MON1A: variants seen among roughly 807,000 people sequenced by gnomAD.
MON1A encodes the protein vacuolar fusion protein MON1 homolog A.
Under a neutral mutation model 44.6 loss-of-function variants are expected in MON1A, and 29 were observed. That is an observed-to-expected ratio of 0.65 (90% CI 0.48 to 0.89). The LOEUF is 0.89. Among genes scored for constraint, MON1A ranks in the 40% least tolerant of loss-of-function variants. The pLI, the probability that MON1A is intolerant of heterozygous loss-of-function variation, is 0.00. For missense variants in MON1A, 615 were observed against 759.6 expected (o/e 0.81, Z 2.24); for synonymous variants, 275 against 316.4 (o/e 0.87, Z 1.39).
At chr3:49,916,024 G>C (rs981567633) in intron 1 of MON1A, 1 of 152,276 alleles carries the variant, frequency 6.6e-6, no homozygotes, top group African/African-American at 2.4e-5. Flanking sequence ...GGATGGACTA[G>C]AAGGGCAGAG....
rs548259282 is a variant in MON1A, at chr3:49,909,548, C to T, written c.1380-148G>A. ...CCCTTAGGACAGGGCATTGTCTCCC[C>T]ACCATAGCAGGCACCCCAGGACAGG... On this transcript the variant is annotated intron_variant, in intron 4 of 5. Transcript: ENST00000296473. The surrounding 1 kb of genome is among the most constrained non-coding windows in gnomAD (Gnocchi z 4.0). The T allele has an allele frequency of 9.3e-7, 1 of 1,070,008 alleles. No homozygotes were observed. Among genetic ancestry groups the T allele is most frequent in the South Asian group, 1.6e-5 (1 of 63,246 alleles). 66.3% of individuals were successfully genotyped at this position (1,070,008 alleles called of 1,614,324 possible).
At position 49,911,578 on chromosome 3, in the gene MON1A, G is replaced by A. The variant is rs1317581612; in HGVS notation, c.561C>T (p.Ala187=). ...ALSSTMGVMV[A]LVSFLEADKN... Reference sequence around the variant, plus strand: ...TGTCTGCCTCCAGGAAGGACACCAGGGCCACCATAACACCCATAGTGCTGG... The same window carrying A: ...TGTCTGCCTCCAGGAAGGACACCAGAGCCACCATAACACCCATAGTGCTGG... Residue 187 remains alanine (A), a synonymous_variant, in exon 3 of 6, where the codon GCC becomes GCT. Coordinates refer to ENST00000296473, the MANE Select transcript of MON1A (RefSeq NM_032355.4). The surrounding 1 kb of genome is among the most constrained non-coding windows in gnomAD (Gnocchi z 5.7). The A allele has an allele frequency of 1.4e-5, 23 of 1,613,868 alleles. No homozygotes were observed. The highest frequency in any genetic ancestry group is 1.9e-5 in the Non-Finnish European group (23 of 1,179,832).
At chr3:49,929,341 G>A (rs1337889694) in intron 1 of MON1A, 3 of 541,940 alleles carry the variant, frequency 5.5e-6, no homozygotes, top group Non-Finnish European at 9.8e-6. Context: ...TTGGCGGGGC[G>A]GGGGTGGGGG....
At chr3:49,928,760 G>A (rs2083071531) in intron 1 of MON1A, among the ~76,000 whole-genome samples, 1 of 152,194 alleles carries the variant, frequency 6.6e-6, no homozygotes, top group South Asian at 2.1e-4. Flanking sequence ...GCTTCAGCAG[G>A]ATGCCTACTC....
chr3:49,922,856 C>T (rs1212275696), intron 1 of MON1A, among the ~76,000 whole-genome samples: 16 of 151,518 alleles, frequency 1.1e-4, no homozygotes, highest in Admixed American at 6.6e-4. Context: ...GGACTACAGG[C>T]GTGTGCCACC....
chr3:49,925,583 T>A (rs780153914), intron 1 of MON1A, among the ~76,000 whole-genome samples: 5 of 151,944 alleles, frequency 3.3e-5, no homozygotes, highest in Non-Finnish European at 7.4e-5. Context: ...CTCTACAAAA[T>A]AAAAAATCAG....
In MON1A at chr3:49,911,627, C is replaced by A. The variant is rs948037832; in HGVS notation, c.512G>T (p.Arg171Leu). 11 of 1,614,138 alleles carry A rather than the reference C, an allele frequency of 6.8e-6. No individual in the cohort carries two copies. The highest frequency in any genetic ancestry group is 8.5e-6 in the Non-Finnish European group (10 of 1,179,984). Residue 171 changes from arginine to leucine, a missense_variant, in exon 3 of 6, where the codon CGC becomes CTC. Coordinates refer to ENST00000296473, the MANE Select transcript of MON1A (RefSeq NM_032355.4). The surrounding 1 kb of genome is among the most constrained non-coding windows in gnomAD (Gnocchi z 5.7). ...LSEAGKPVYSRYGSEEALSST... is the reference protein window; with the variant it reads ...LSEAGKPVYSLYGSEEALSST... Reference sequence around the variant, plus strand: ...GGAAAGTGCCTCCTCAGACCCATAGCGGGAGTACACAGGCTTCCCTGCCTC... The same window carrying A: ...GGAAAGTGCCTCCTCAGACCCATAGAGGGAGTACACAGGCTTCCCTGCCTC...
intron 1 of MON1A, among the ~76,000 whole-genome samples, chr3:49,918,169 TC>T (rs1282310024): frequency 6.6e-6 from 1 of 151,778 alleles, no homozygotes; most frequent in Non-Finnish European, 1.5e-5. Context: ...AAACCCCATC[TC>T]TACTAAATAA....
At chr3:49,926,782 A>ATT (rs879458577) in intron 1 of MON1A, among the ~76,000 whole-genome samples, 1 of 137,598 alleles carries the variant, frequency 7.3e-6, no homozygotes. Flanking sequence ...TGGGAGGGAG[A>ATT]TTTTTTTTTT....
intron 2 of MON1A, chr3:49,912,780 C>G: frequency 3.7e-6 from 1 of 267,796 alleles, no homozygotes; most frequent in Non-Finnish European, 7.4e-6. Context: ...CTTGCGAATT[C>G]AGCCCTGTAC....
rs914652149 is a variant in MON1A at position 49,915,677 on chromosome 3, C to G, written c.-13-2318G>C. Among the ~76,000 whole-genome samples, 3 of 152,208 alleles carry G rather than the reference C, an allele frequency of 2.0e-5. No individual in the cohort carries two copies. In the East Asian group the frequency reaches 5.8e-4, roughly 29 times the overall value. On this transcript the variant is annotated intron_variant, in intron 1 of 5. Transcript: ENST00000296473. The stretch of plus-strand genomic sequence containing the variant: ...TGCAGCCCTGCTTTTCTCTAAATAT[C>G]CTTTTGTACCTTTTGAATTTGGCAC...
Position 49,910,445 on chromosome 3 carries a change from G to T in MON1A, c.1053C>A (p.Leu351=). The T allele has an allele frequency of 6.2e-7, 1 of 1,614,252 alleles. No individual in the cohort carries two copies. Among genetic ancestry groups the T allele is most frequent in the East Asian group, 2.2e-5 (1 of 44,874 alleles). Residue 351 remains leucine (L), a synonymous_variant, in exon 4 of 6, where the codon CTC becomes CTA. Transcript: ENST00000296473. The surrounding 1 kb of genome is among the most constrained non-coding windows in gnomAD (Gnocchi z 8.0). ...HPIDLHLLFN[L]ISSSSSFREG... ...CGCGAAAGGACGAGGAGGAACTAAT[G>T]AGGTTGAAGAGCAGGTGCAGGTCGA...
At chr3:49,926,555 C>A (rs2083053114) in intron 1 of MON1A, among the ~76,000 whole-genome samples, 1 of 152,046 alleles carries the variant, frequency 6.6e-6, no homozygotes, top group Admixed American at 6.6e-5. Flanking sequence ...CTCTCAGGCT[C>A]AAATGATCCT....
intron 1 of MON1A, among the ~76,000 whole-genome samples, chr3:49,921,735 C>T (rs1197697070): frequency 1.3e-5 from 2 of 151,056 alleles, no homozygotes; most frequent in African/African-American, 2.4e-5. Flanking sequence ...CCACCATGCA[C>T]TACAGCCTCA....
intron 1 of MON1A, among the ~76,000 whole-genome samples, chr3:49,925,955 C>T (rs145069382): frequency 6.6e-6 from 1 of 152,254 alleles, no homozygotes; most frequent in African/African-American, 2.4e-5. Context: ...TTGCCCTTGT[C>T]CCTGCATAAT....
chr3:49,926,559 T>C (rs530615881), intron 1 of MON1A, among the ~76,000 whole-genome samples: 46 of 152,006 alleles, frequency 3.0e-4, no homozygotes, highest in Admixed American at 1.6e-3. Context: ...CAGGCTCAAA[T>C]GATCCTTCCA....
chr3:49,910,774 GGTA>G lies in MON1A; in HGVS notation c.721_723del (p.Tyr241del), dbSNP rs1400265126. The stretch of plus-strand genomic sequence containing the variant: ...GCACCGGTAAGAAGGCTTAGGATCT[GGTA>G]GTAGATGTAGAGCAGCTCCTGCGCC... On this transcript the variant is annotated inframe_deletion, in exon 4 of 6. Transcript: ENST00000296473. This position sits in a 1 kb window ranked among gnomAD's most constrained non-coding sequence, Gnocchi z 8.0. 6.2e-7 allele frequency: 1 copy of G among 1,614,026 alleles called. No individual in the cohort carries two copies. The highest frequency in any genetic ancestry group is 1.3e-5 in the African/African-American group (1 of 74,912).
chr3:49,925,010 G>C (rs1292278520), intron 1 of MON1A, among the ~76,000 whole-genome samples: 1 of 152,220 alleles, frequency 6.6e-6, no homozygotes, highest in Non-Finnish European at 1.5e-5. Context: ...CACAAGAACT[G>C]TATGAGATAA....
intron 2 of MON1A, among the ~76,000 whole-genome samples, 175 bp from the exon 3 acceptor site, chr3:49,912,186 A>T (rs1270249632): frequency 2.0e-5 from 3 of 152,168 alleles, no homozygotes; most frequent in African/African-American, 2.4e-5. Context: ...ACAGCCCACC[A>T]GTCTCCTCTC....
Sources: allele counts gnomAD v4.1 joint callset (sites outside exome capture counted in the v4.1 genomes callset), GRCh38; gene constraint gnomAD v4.1.1; non-coding constraint Gnocchi (gnomAD v3.1); transcripts MANE v1.5; gene names NCBI Gene and HGNC (gene_info 2026-07-23, HGNC 2026-07-21).